BNC2: variants seen among roughly 807,000 people sequenced by gnomAD.
BNC2 encodes basonuclin zinc finger protein 2.
BNC2 carries 20 observed loss-of-function variants against 76.3 expected under a neutral mutation model. The observed-to-expected ratio is 0.26, with a 90% CI of 0.18 to 0.38. The LOEUF (loss-of-function observed/expected upper bound fraction) is 0.38. Ranked by LOEUF, BNC2 falls within the 10% of genes least tolerant of loss-of-function variation. The pLI is 1.00. For missense variants in BNC2, 1,382 were observed against 1,399.8 expected (o/e 0.99, Z 0.20); for synonymous variants, 582 against 514.8 (o/e 1.13, Z -1.77).
chr9:16,583,786 A>G (rs1819693093), intron 3 of BNC2, among the ~76,000 whole-genome samples: 1 of 152,216 alleles, frequency 6.6e-6, no homozygotes, highest in African/African-American at 2.4e-5. Flanking sequence ...CAGACATGGA[A>G]CAGAAAAAAT....
intron 3 of BNC2, among the ~76,000 whole-genome samples, chr9:16,667,053 G>C (rs1016542140): frequency 6.0e-5 from 9 of 150,924 alleles, no homozygotes; most frequent in South Asian, 2.1e-4. Context: ...ACTAATTTCA[G>C]AAAAGCACAC....
chr9:16,468,361 C>G (rs1337636605), intron 5 of BNC2, among the ~76,000 whole-genome samples: 3 of 151,846 alleles, frequency 2.0e-5, no homozygotes, highest in African/African-American at 7.3e-5. Context: ...ACCAAGTATT[C>G]TGCTAGGTAT....
chr9:16,802,649 T>C lies in BNC2; in HGVS notation c.4-64164A>G, dbSNP rs531850881. Among the ~76,000 whole-genome samples the C allele has an allele frequency of 3.1e-4, 47 of 152,304 alleles. 2 individuals are homozygous for C. The Middle Eastern group carries it at 0.014, about 44-fold the overall frequency. On this transcript the variant is annotated intron_variant, in intron 1 of 6. Coordinates refer to ENST00000380672, the MANE Select transcript of BNC2 (RefSeq NM_017637.6). ...ATCTCTCCCATTCTTTGTCCATCTC[T>C]AGCAAGACACTTTTCAAGCCCATAG...
chr9:16,778,256 T>C (rs182104883), intron 1 of BNC2, among the ~76,000 whole-genome samples: 161 of 152,312 alleles, frequency 1.1e-3, no homozygotes, highest in African/African-American at 3.6e-3. Context: ...TACTTTCTTT[T>C]TAAGGCAATA....
Position 16,409,989 on chromosome 9 carries a change from T to C in BNC2, c.*9000A>G, listed in dbSNP as rs1820427851. On this transcript the variant is annotated 3_prime_UTR_variant, in exon 7 of 7. Coordinates refer to ENST00000380672, the MANE Select transcript of BNC2 (RefSeq NM_017637.6). ...GAGGACATATCTTAGTGAAAATTCC[T>C]TTTCTTCAAGATATTTCAACTCCCT... 1 of 152,282 alleles carries C rather than the reference T, an allele frequency of 6.6e-6. No individual in the cohort carries two copies. Among genetic ancestry groups the C allele is most frequent in the South Asian group, 2.1e-4 (1 of 4,832 alleles). The allele number at this position is 152,282 out of a possible 1,614,324, so 9.4% of individuals were successfully genotyped here.
At chr9:16,659,288 T>G (rs1400236965) in intron 3 of BNC2, among the ~76,000 whole-genome samples, 1 of 152,184 alleles carries the variant, frequency 6.6e-6, no homozygotes, top group Non-Finnish European at 1.5e-5. Flanking sequence ...TCAGGACCCC[T>G]GTTCACTGGC....
In BNC2 at chr9:16,418,188, T is replaced by A. The variant is rs1418506525; in HGVS notation, c.*801A>T. ...GAAAAAAAGTGCATGACGGGATTTATGTACTAGTACAGGACATTTTAAAAA... is the reference window on the plus strand; with the variant it reads ...GAAAAAAAGTGCATGACGGGATTTAAGTACTAGTACAGGACATTTTAAAAA... On this transcript the variant is annotated 3_prime_UTR_variant, in exon 7 of 7. Coordinates refer to ENST00000380672, the MANE Select transcript of BNC2 (RefSeq NM_017637.6). 6.6e-6 allele frequency: 1 copy of A among 152,668 alleles called. No individual in the cohort carries two copies. The highest frequency in any genetic ancestry group is 1.5e-5 in the Non-Finnish European group (1 of 68,046). 9.5% of individuals were successfully genotyped at this position (152,668 alleles called of 1,614,324 possible).
rs1820568132 is a variant in BNC2 at position 16,415,552 on chromosome 9, A to G, written c.*3437T>C. 6.6e-6 allele frequency: 1 copy of G among 152,512 alleles called. No individual in the cohort carries two copies. The highest frequency in any genetic ancestry group is 1.9e-4 in the East Asian group (1 of 5,174). The allele number at this position is 152,512 out of a possible 1,614,324, so 9.4% of individuals were successfully genotyped here. On this transcript the variant is annotated 3_prime_UTR_variant, in exon 7 of 7. Coordinates refer to ENST00000380672, the MANE Select transcript of BNC2 (RefSeq NM_017637.6). ...GTTTAACAACAAAAAACTCCTATGA[A>G]AAAGCAAATGAGTAGGAATGGGCAA...
rs368964312 is a variant in BNC2 at position 16,811,578 on chromosome 9, G to A, written c.3+59068C>T. 4.2e-3 allele frequency among the ~76,000 whole-genome samples: 536 copies of A among 126,828 alleles called. 1 individual carries two copies. The highest frequency in any genetic ancestry group is 0.013 in the African/African-American group (463 of 36,236). The allele number at this position is 126,828 out of a possible 152,430, so 83.2% of individuals were successfully genotyped here. On this transcript the variant is annotated intron_variant, in intron 1 of 6. Coordinates refer to ENST00000380672, the MANE Select transcript of BNC2 (RefSeq NM_017637.6). ...AAAAAAAAAAAAAAAAAAAAAAACA[G>A]TGTACAGGGAAAATCAAACCCATGT...
chr9:16,816,487 A>C (rs1003353021), intron 1 of BNC2, among the ~76,000 whole-genome samples: 1 of 152,370 alleles, frequency 6.6e-6, no homozygotes, highest in East Asian at 1.9e-4. Flanking sequence ...TGTTCTAGAC[A>C]AACCTCCAAA....
intron 3 of BNC2, among the ~76,000 whole-genome samples, chr9:16,674,205 G>A (rs187121699): frequency 1.4e-4 from 21 of 152,314 alleles, no homozygotes; most frequent in African/African-American, 4.8e-4. Flanking sequence ...TCTAATCACA[G>A]TGAGGGTCTG....
intron 1 of BNC2, among the ~76,000 whole-genome samples, chr9:16,770,071 C>T (rs971892926): frequency 1.3e-5 from 2 of 152,144 alleles, no homozygotes; most frequent in African/African-American, 4.8e-5. Context: ...CAGCAGTCAC[C>T]GCCAGAAACA....
intron 1 of BNC2, among the ~76,000 whole-genome samples, chr9:16,798,375 C>A (rs1456789021): frequency 6.6e-6 from 1 of 152,080 alleles, no homozygotes; most frequent in Non-Finnish European, 1.5e-5. Context: ...TTAGCTTAGT[C>A]AATAAATTAA....
At chr9:16,786,589 C>T (rs1182825468) in intron 1 of BNC2, among the ~76,000 whole-genome samples, 1 of 152,070 alleles carries the variant, frequency 6.6e-6, no homozygotes, top group African/African-American at 2.4e-5. Context: ...CTTTTCTGTC[C>T]CGGATACCAT....
intron 3 of BNC2, among the ~76,000 whole-genome samples, chr9:16,595,268 A>G (rs539125699): frequency 3.3e-5 from 5 of 152,194 alleles, no homozygotes; most frequent in Non-Finnish European, 7.4e-5. Flanking sequence ...ACTGTGTATC[A>G]TAATTATCTC....
chr9:16,429,909 A>G (rs142204012), intron 6 of BNC2: 18 of 509,796 alleles, frequency 3.5e-5, no homozygotes, highest in Middle Eastern at 3.2e-4. Flanking sequence ...GCAGGAGGTC[A>G]TTAGGAAGAT....
chr9:16,805,940 G>C (rs1330163806), intron 1 of BNC2, among the ~76,000 whole-genome samples: 1 of 152,114 alleles, frequency 6.6e-6, no homozygotes, highest in Non-Finnish European at 1.5e-5. Flanking sequence ...AGTATATTTT[G>C]ATTCTAATGT....
chr9:16,824,924 G>T (rs543392283), intron 1 of BNC2, among the ~76,000 whole-genome samples: 1 of 152,180 alleles, frequency 6.6e-6, no homozygotes, highest in Non-Finnish European at 1.5e-5. Flanking sequence ...CGAAGATACG[G>T]TTTGACCAGG....
rs1322893030 is a variant in BNC2, at chr9:16,431,521, G to C, written c.2639+4034C>G. On this transcript the variant is annotated intron_variant, in intron 6 of 6. Transcript: ENST00000380672. Reference sequence around the variant, plus strand: ...GATTTCATATGTATACTTCATAATGGAGGGGCAGCCTCCTGTTCCTTAACA... The same window carrying C: ...GATTTCATATGTATACTTCATAATGCAGGGGCAGCCTCCTGTTCCTTAACA... The C allele has an allele frequency of 6.5e-6, 3 of 464,108 alleles. No individual in the cohort carries two copies. In the Admixed American group the frequency reaches 7.1e-5, roughly 11 times the overall value. 28.7% of individuals were successfully genotyped at this position (464,108 alleles called of 1,614,324 possible).
Sources: gnomAD v4.1 joint callset for allele counts (sites outside exome capture counted in the v4.1 genomes callset) on GRCh38, gnomAD v4.1.1 for gene constraint, MANE v1.5 for transcripts, NCBI Gene and HGNC (gene_info 2026-07-23, HGNC 2026-07-21) for gene names.